Variants in CRTC3 observed in about 807,000 individuals in gnomAD.
CRTC3 encodes the protein CREB regulated transcription coactivator 3.
CRTC3 carries 26 observed loss-of-function variants against 74.5 expected under a neutral mutation model. The observed-to-expected ratio is 0.35, with a 90% CI of 0.26 to 0.48. The LOEUF is 0.48. Among genes scored for constraint, CRTC3 ranks in the 20% least tolerant of loss-of-function variants. CRTC3 has a pLI of 0.99. For synonymous variants in CRTC3, 377 were observed against 325.8 expected (o/e 1.16, Z -1.69); for missense variants, 760 against 787.3 (o/e 0.97, Z 0.41).
intron 8 of CRTC3, chr15:90,618,220 A>AAAT (rs1420991338): frequency 3.9e-6 from 1 of 258,862 alleles, no homozygotes; most frequent in Non-Finnish European, 7.3e-6. Flanking sequence ...AAAAAAAAAA[A>AAAT]AACCCTGCTA....
intron 1 of CRTC3, among the ~76,000 whole-genome samples, chr15:90,538,998 T>C (rs1966763103): frequency 6.6e-6 from 1 of 152,134 alleles, no homozygotes; most frequent in African/African-American, 2.4e-5. Context: ...GGATTAGGGA[T>C]GAAGTGGGCC....
At chr15:90,622,577 G>A (rs915873355) in intron 9 of CRTC3, among the ~76,000 whole-genome samples, 27 of 152,178 alleles carry the variant, frequency 1.8e-4, no homozygotes, top group African/African-American at 6.3e-4. Context: ...CAGGCTGGGC[G>A]CAGTGGCTCA....
intron 2 of CRTC3, among the ~76,000 whole-genome samples, chr15:90,543,021 G>C (rs565179881): frequency 2.0e-5 from 3 of 152,028 alleles, no homozygotes; most frequent in Admixed American, 1.3e-4. Context: ...TGTCCACCAG[G>C]CATGGTGGCT....
chr15:90,607,575 G>A (rs971542420), intron 6 of CRTC3, 97 bp downstream of exon 6: 10 of 735,522 alleles, frequency 1.4e-5, no homozygotes, highest in South Asian at 3.4e-5. Flanking sequence ...TGCGCTTCCC[G>A]GTTCAGTGAT....
At chr15:90,619,428 G>A (rs1968580298) in intron 8 of CRTC3, among the ~76,000 whole-genome samples, 1 of 152,226 alleles carries the variant, frequency 6.6e-6, no homozygotes. Flanking sequence ...TGCCACTCCA[G>A]CCTGGATGAC....
chr15:90,581,439 A>G (rs77937595), intron 2 of CRTC3, among the ~76,000 whole-genome samples: 5,216 of 152,206 alleles, frequency 0.034, 276 homozygotes, highest in African/African-American at 0.11. Context: ...GTGACATCGT[A>G]TGCTTATTTT....
At chr15:90,623,018 G>A (rs970142099) in intron 9 of CRTC3, among the ~76,000 whole-genome samples, 1 of 152,116 alleles carries the variant, frequency 6.6e-6, no homozygotes, top group Non-Finnish European at 1.5e-5. Context: ...AGTGAGGCGA[G>A]GCTGGCAGGA....
intron 2 of CRTC3, among the ~76,000 whole-genome samples, chr15:90,591,649 T>G (rs1437589149): frequency 6.6e-6 from 1 of 152,136 alleles, no homozygotes; most frequent in Non-Finnish European, 1.5e-5. Context: ...AGACCTTGTC[T>G]CTACAAAAAA....
At chr15:90,636,347 T>C (rs1969236141) in intron 11 of CRTC3, among the ~76,000 whole-genome samples, 1 of 142,960 alleles carries the variant, frequency 7.0e-6, no homozygotes, top group South Asian at 2.3e-4. Flanking sequence ...GAAAACTGGC[T>C]AGCCATACGT....
chr15:90,555,026 A>T (rs778041304), intron 2 of CRTC3, among the ~76,000 whole-genome samples: 1 of 152,194 alleles, frequency 6.6e-6, no homozygotes, highest in Non-Finnish European at 1.5e-5. Flanking sequence ...TACTCTGGCT[A>T]TATCTACAGC....
intron 2 of CRTC3, among the ~76,000 whole-genome samples, chr15:90,557,264 A>C (rs1018697047): frequency 6.6e-6 from 1 of 152,110 alleles, no homozygotes; most frequent in Non-Finnish European, 1.5e-5. Context: ...AGGACCGCCT[A>C]CACTGCCAGC....
At chr15:90,537,289 A>G (rs958720844) in intron 1 of CRTC3, among the ~76,000 whole-genome samples, 2 of 152,232 alleles carry the variant, frequency 1.3e-5, no homozygotes, top group African/African-American at 4.8e-5. Flanking sequence ...TGTCTGTGTC[A>G]TTTAATCCTC....
chr15:90,540,454 C>T (rs1043186854), intron 2 of CRTC3, among the ~76,000 whole-genome samples: 2 of 151,548 alleles, frequency 1.3e-5, no homozygotes, highest in East Asian at 3.8e-4. Context: ...ATGCAGCTTT[C>T]TCATCTATAA....
chr15:90,565,439 C>A (rs1967102666), intron 2 of CRTC3, among the ~76,000 whole-genome samples: 1 of 152,142 alleles, frequency 6.6e-6, no homozygotes, highest in South Asian at 2.1e-4. Context: ...TAAATTAGGA[C>A]AAATTTTTGA....
At chr15:90,567,746 A>G (rs1967160636) in intron 2 of CRTC3, among the ~76,000 whole-genome samples, 1 of 143,592 alleles carries the variant, frequency 7.0e-6, no homozygotes, top group Admixed American at 7.1e-5. Context: ...CAGTGCACCT[A>G]ATCATCCAGG....
In CRTC3 at chr15:90,645,329, A is replaced by C; in HGVS notation, c.*3189A>C. The C allele has an allele frequency of 1.5e-5, 3 of 201,272 alleles. No homozygotes were observed. The highest frequency in any genetic ancestry group is 3.1e-5 in the Non-Finnish European group (3 of 97,676). 12.5% of individuals were successfully genotyped at this position (201,272 alleles called of 1,614,324 possible). On this transcript the variant is annotated 3_prime_UTR_variant, in exon 15 of 15. Transcript: ENST00000268184. ...ATCTTTTGTAATTAAAAGCATCACA[A>C]TGAGGTTGTCTCTGCATTTGGTGGT...
At chr15:90,542,894 CTA>C (rs777193363) in intron 2 of CRTC3, among the ~76,000 whole-genome samples, 35 of 152,162 alleles carry the variant, frequency 2.3e-4, no homozygotes, top group Non-Finnish European at 4.7e-4. Context: ...TTGATTCAGA[CTA>C]TGCATCTTTG....
intron 2 of CRTC3, among the ~76,000 whole-genome samples, chr15:90,566,755 G>C (rs377647930): frequency 6.7e-6 from 1 of 148,912 alleles, no homozygotes; most frequent in African/African-American, 2.5e-5. Flanking sequence ...CTGTCGCCCA[G>C]GCTGGAGTGC....
chr15:90,634,772 A>AT, intron 11 of CRTC3: 2 of 1,150,736 alleles, frequency 1.7e-6, no homozygotes, highest in Non-Finnish European at 2.6e-6. Context: ...CTGACTGAGT[A>AT]TTGGTTGGAA....
Sources: gnomAD v4.1 joint callset for allele counts (sites outside exome capture counted in the v4.1 genomes callset) on GRCh38, gnomAD v4.1.1 for gene constraint, MANE v1.5 for transcripts, NCBI Gene and HGNC (gene_info 2026-07-23, HGNC 2026-07-21) for gene names.